PDCD6IP: variants seen among roughly 807,000 people sequenced by gnomAD.
PDCD6IP encodes programmed cell death 6-interacting protein.
A neutral mutation model predicts 103.7 loss-of-function variants in PDCD6IP; 43 were observed. That is an observed-to-expected ratio of 0.41 (90% CI 0.32 to 0.53). The LOEUF (loss-of-function observed/expected upper bound fraction) is 0.53, where lower values mean the gene tolerates loss of function less well. PDCD6IP is among the 20% of genes least tolerant of loss of function. The pLI is 0.16. For missense variants in PDCD6IP, 871 were observed against 1,036.7 expected, an observed-to-expected ratio of 0.84 and a Z score of 2.20; for synonymous variants, 354 against 378.7, an observed-to-expected ratio of 0.93 and a Z score of 0.76.
intron 3 of PDCD6IP, among the ~76,000 whole-genome samples, chr3:33,814,008 T>C (rs190474020): frequency 4.7e-4 from 72 of 152,318 alleles, no homozygotes; most frequent in African/African-American, 1.7e-3. Flanking sequence ...TAGAAAATAA[T>C]ATTACAGATA....
intron 1 of PDCD6IP, among the ~76,000 whole-genome samples, chr3:33,811,627 A>G (rs1248731209): frequency 3.3e-5 from 5 of 152,244 alleles, no homozygotes; most frequent in Non-Finnish European, 5.9e-5. Context: ...GCTGAAAGAC[A>G]GTGGTAGCTT....
chr3:33,826,690 G>A, intron 6 of PDCD6IP, 110 bp downstream of exon 6: 6 of 1,482,640 alleles, frequency 4.0e-6, no homozygotes, highest in Non-Finnish European at 5.4e-6. Context: ...AGTTTTAATA[G>A]AGTTATCTGA....
chr3:33,816,503 TAAA>T (rs57317946), intron 3 of PDCD6IP, among the ~76,000 whole-genome samples: 3 of 57,634 alleles, frequency 5.2e-5, no homozygotes, highest in Non-Finnish European at 1.0e-4. Flanking sequence ...AGATTCTGTC[TAAA>T]AAAAAAAAAA....
intron 15 of PDCD6IP, among the ~76,000 whole-genome samples, chr3:33,859,227 T>C (rs1030554104): frequency 1.3e-5 from 2 of 152,144 alleles, no homozygotes; most frequent in African/African-American, 2.4e-5. Flanking sequence ...GAGTAAGTTC[T>C]GAGTGGACCA....
rs1697965795 is a variant in PDCD6IP, at chr3:33,861,985, T to C, written c.2121-2021T>C. ...CATTTTATTTTATATCTTTTTGCTC[T>C]TTTACATTATTGATTTTATTTAATA... On this transcript the variant is annotated intron_variant, in intron 15 of 17. Transcript: ENST00000307296. 2.0e-5 allele frequency among the ~76,000 whole-genome samples: 3 copies of C among 152,310 alleles called. No homozygotes were observed. In the Middle Eastern group the frequency reaches 0.01, roughly 518 times the overall value.
intron 4 of PDCD6IP, among the ~76,000 whole-genome samples, chr3:33,824,391 G>A (rs1008988625): frequency 6.6e-6 from 1 of 151,952 alleles, no homozygotes; most frequent in Non-Finnish European, 1.5e-5. Flanking sequence ...CCGAGCAGCT[G>A]GGATTACAAG....
chr3:33,841,461 C>T (rs1342077275), intron 9 of PDCD6IP, among the ~76,000 whole-genome samples: 14 of 77,520 alleles, frequency 1.8e-4, no homozygotes, highest in Admixed American at 8.7e-4. Context: ...TTTTTTGAGA[C>T]GGAGTTTCGC....
intron 3 of PDCD6IP, among the ~76,000 whole-genome samples, chr3:33,817,284 C>T (rs957621116): frequency 6.6e-6 from 1 of 152,060 alleles, no homozygotes; most frequent in African/African-American, 2.4e-5. Context: ...ATAGTATCCA[C>T]TTTGTGAAAA....
chr3:33,828,829 C>G, intron 6 of PDCD6IP, 24 bp from the exon 7 acceptor site: 2 of 1,611,968 alleles, frequency 1.2e-6, no homozygotes, highest in Non-Finnish European at 1.7e-6. Flanking sequence ...TGGACTCTCC[C>G]CTGGTCAGTA....
At chr3:33,800,660 T>A (rs143055364) in intron 1 of PDCD6IP, among the ~76,000 whole-genome samples, 1 of 152,242 alleles carries the variant, frequency 6.6e-6, no homozygotes, top group Non-Finnish European at 1.5e-5. Context: ...TTCTTTAGAA[T>A]TAACATAATT....
intron 15 of PDCD6IP, among the ~76,000 whole-genome samples, chr3:33,862,101 A>G (rs1235418146): frequency 1.3e-5 from 2 of 152,200 alleles, no homozygotes; most frequent in Admixed American, 6.5e-5. Context: ...GAGTTTATCA[A>G]AGGAAAAGAA....
chr3:33,812,759 C>T (rs1266890319), intron 2 of PDCD6IP, among the ~76,000 whole-genome samples: 2 of 151,902 alleles, frequency 1.3e-5, no homozygotes, highest in Non-Finnish European at 2.9e-5. Context: ...TTAATATATT[C>T]CTGGAAAAAA....
intron 3 of PDCD6IP, among the ~76,000 whole-genome samples, chr3:33,814,234 T>C (rs1336243809): frequency 6.6e-6 from 1 of 151,402 alleles, no homozygotes; most frequent in Non-Finnish European, 1.5e-5. Context: ...AACCTCTGCC[T>C]ACTGGGTTCA....
chr3:33,800,513 G>C (rs973816109), intron 1 of PDCD6IP, among the ~76,000 whole-genome samples: 11 of 152,176 alleles, frequency 7.2e-5, no homozygotes, highest in Admixed American at 5.2e-4. Flanking sequence ...TCCGAAGGAA[G>C]GGGTACTGAA....
chr3:33,810,694 C>T (rs1696697057), intron 1 of PDCD6IP, among the ~76,000 whole-genome samples: 1 of 152,130 alleles, frequency 6.6e-6, no homozygotes, highest in Admixed American at 6.5e-5. Flanking sequence ...GTAGTCCTGG[C>T]AGCTCAGGGG....
intron 1 of PDCD6IP, among the ~76,000 whole-genome samples, chr3:33,807,713 G>C (rs1468641494): frequency 6.6e-6 from 1 of 152,154 alleles, no homozygotes; most frequent in African/African-American, 2.4e-5. Flanking sequence ...ATGGCACCTG[G>C]GCAGCCGTGT....
intron 1 of PDCD6IP, among the ~76,000 whole-genome samples, chr3:33,803,713 G>A (rs1559769323): frequency 6.6e-6 from 1 of 151,966 alleles, no homozygotes; most frequent in Non-Finnish European, 1.5e-5. Context: ...TCCTCCCTCA[G>A]ATTTGCCAAA....
In PDCD6IP at chr3:33,862,755, T is replaced by C. The variant is rs372332796; in HGVS notation, c.2121-1251T>C. ...GTTTTATTTTGTATAAACACTGATA[T>C]AGTGATTAAAACATTAGCTACATAA... On this transcript the variant is annotated intron_variant, in intron 15 of 17. Coordinates refer to ENST00000307296, the MANE Select transcript of PDCD6IP (RefSeq NM_013374.6). Among the ~76,000 whole-genome samples, 15 of 152,336 alleles carry C rather than the reference T, an allele frequency of 9.8e-5. No individual in the cohort carries two copies. The East Asian group carries it at 1.9e-3, about 20-fold the overall frequency.
chr3:33,802,765 C>T (rs1696505364), intron 1 of PDCD6IP, among the ~76,000 whole-genome samples: 1 of 152,228 alleles, frequency 6.6e-6, no homozygotes, highest in Non-Finnish European at 1.5e-5. Context: ...GCTGGGATTA[C>T]AGGCGTGAGC....
Sources: gnomAD v4.1 joint callset for allele counts (sites outside exome capture counted in the v4.1 genomes callset) on GRCh38, gnomAD v4.1.1 for gene constraint, MANE v1.5 for transcripts, NCBI Gene and HGNC (gene_info 2026-07-23, HGNC 2026-07-21) for gene names.